The following GSE1 variants were observed in gnomAD, a reference collection of about 807,000 sequenced individuals.
GSE1 encodes the protein Gse1 coiled-coil protein.
GSE1 carries 32 observed loss-of-function variants against 112.6 expected under a neutral mutation model. The observed-to-expected ratio is 0.28, with a 90% confidence interval of 0.21 to 0.38. The LOEUF is 0.38. Ranked by LOEUF, GSE1 falls within the 10% of genes least tolerant of loss-of-function variation. GSE1 has a pLI of 1.00. For synonymous variants in GSE1, 1,115 were observed against 735.6 expected, an observed-to-expected ratio of 1.52 and a Z score of -8.35; for missense variants, 2,348 against 1,699.2, an observed-to-expected ratio of 1.38 and a Z score of -6.71.
At chr16:85,317,177 C>A (rs1010417585) in intron 1 of GSE1, among the ~76,000 whole-genome samples, 1 of 152,200 alleles carries the variant, frequency 6.6e-6, no homozygotes, top group African/African-American at 2.4e-5. Flanking sequence ...CAAGACGGGG[C>A]CTTTGTCTGG....
At chr16:85,577,830 C>T (rs60733173) in intron 1 of GSE1, among the ~76,000 whole-genome samples, 19,362 of 152,128 alleles carry the variant, frequency 0.13, 2,991 homozygotes, top group African/African-American at 0.36. Flanking sequence ...CCCTTTTCCA[C>T]TCCAGTCCTC....
chr16:85,444,037 T>A (rs2151787565), intron 2 of GSE1, among the ~76,000 whole-genome samples: 1 of 120,926 alleles, frequency 8.3e-6, no homozygotes, highest in South Asian at 2.9e-4. Context: ...CAGGCTGGAG[T>A]ACAGTGGCGT....
In GSE1 at chr16:85,663,564, A is replaced by T. The variant is rs754857182; in HGVS notation, c.2594A>T (p.Lys865Met). 3.7e-6 allele frequency: 6 copies of T among 1,613,874 alleles called. No individual in the cohort carries two copies. Among genetic ancestry groups the T allele is most frequent in the Non-Finnish European group, 5.1e-6 (6 of 1,180,024 alleles). ...NNSPNFEEKKKFLTIFNLTHI... is the reference protein window; with the variant it reads ...NNSPNFEEKKMFLTIFNLTHI... ...AGTCCCAACTTCGAAGAAAAGAAGA[A>T]GTTCCTGACCATCTTCAACCTGACC... Residue 865 changes from lysine to methionine, a missense_variant, in exon 11 of 16, where the codon AAG becomes ATG. Transcript: ENST00000253458.
chr16:85,642,629 C>T (rs1278473308), intron 2 of GSE1, among the ~76,000 whole-genome samples: 2 of 152,254 alleles, frequency 1.3e-5, no homozygotes, highest in East Asian at 3.8e-4. Context: ...AAGCTCTGGG[C>T]AGCCCCCGGC....
intron 2 of GSE1, among the ~76,000 whole-genome samples, chr16:85,523,516 G>A (rs1402996627): frequency 6.6e-6 from 1 of 152,228 alleles, no homozygotes; most frequent in Non-Finnish European, 1.5e-5. Context: ...AGGGACTGTG[G>A]AAGGAGCCAG....
intron 13 of GSE1, 80 bp downstream of exon 13, chr16:85,666,427 G>T (rs2151988828): frequency 1.4e-6 from 2 of 1,389,222 alleles, no homozygotes; most frequent in Non-Finnish European, 2.0e-6. Context: ...CAGCTGCTCA[G>T]CCGTTCAGCC....
chr16:85,541,740 A>G (rs1384335864), intron 2 of GSE1, among the ~76,000 whole-genome samples: 2 of 152,144 alleles, frequency 1.3e-5, no homozygotes, highest in Non-Finnish European at 2.9e-5. Context: ...TGAGCAGTAC[A>G]GGGGGAAGGG....
At chr16:85,582,386 A>C (rs543528377) in intron 1 of GSE1, among the ~76,000 whole-genome samples, 35 of 152,312 alleles carry the variant, frequency 2.3e-4, no homozygotes, top group Admixed American at 1.1e-3. Context: ...GGAAGCCCCC[A>C]CGTGCTGGGT....
intron 2 of GSE1, among the ~76,000 whole-genome samples, chr16:85,485,450 C>G (rs2050802906): frequency 6.6e-6 from 1 of 152,232 alleles, no homozygotes; most frequent in Non-Finnish European, 1.5e-5. Context: ...TTTCATGTTC[C>G]TGGGCGGCAA....
chr16:85,544,119 G>A (rs2044617252), intron 2 of GSE1, among the ~76,000 whole-genome samples: 1 of 152,182 alleles, frequency 6.6e-6, no homozygotes, highest in Non-Finnish European at 1.5e-5. Flanking sequence ...ACAGGCGTGA[G>A]CCACTGCGCC....
intron 2 of GSE1, among the ~76,000 whole-genome samples, chr16:85,443,425 A>T (rs1225339450): frequency 6.6e-6 from 1 of 152,226 alleles, no homozygotes; most frequent in Non-Finnish European, 1.5e-5. Flanking sequence ...TCCACCTGTA[A>T]AACAGAGCTA....
intron 1 of GSE1, among the ~76,000 whole-genome samples, chr16:85,333,410 G>C (rs1251548534): frequency 2.6e-5 from 4 of 152,102 alleles, no homozygotes; most frequent in Non-Finnish European, 4.4e-5. Context: ...TTCCCTTCCA[G>C]CCTCCCACCC....
intron 2 of GSE1, among the ~76,000 whole-genome samples, chr16:85,514,342 TG>T (rs1167189285): frequency 2.7e-5 from 4 of 149,556 alleles, no homozygotes; most frequent in Non-Finnish European, 5.9e-5. Flanking sequence ...CACTGCTGCC[TG>T]CATTTCCTCC....
chr16:85,389,630 A>G (rs938047750), intron 2 of GSE1, among the ~76,000 whole-genome samples: 1 of 152,020 alleles, frequency 6.6e-6, no homozygotes, highest in African/African-American at 2.4e-5. Flanking sequence ...ACCATTTGTC[A>G]CTGTCCTAGA....
In GSE1 at chr16:85,675,317, G is replaced by C. The variant is rs536194210; in HGVS notation, c.*2778G>C. 6.6e-6 allele frequency: 1 copy of C among 152,266 alleles called. No individual in the cohort carries two copies. Among genetic ancestry groups the C allele is most frequent in the East Asian group, 1.9e-4 (1 of 5,184 alleles). The allele number at this position is 152,266 out of a possible 1,614,324, so 9.4% of individuals were successfully genotyped here. A position where few individuals can be genotyped will look rare whatever the true frequency, so the allele number is the denominator to read the frequency against. Reference sequence around the variant, plus strand: ...GAGCTGCCATCTGTCCCTCTGCAGAGGGATACCTTCCAATAGTAAATTATC... The same window carrying C: ...GAGCTGCCATCTGTCCCTCTGCAGACGGATACCTTCCAATAGTAAATTATC... On this transcript the variant is annotated 3_prime_UTR_variant, in exon 16 of 16. Coordinates refer to ENST00000253458, the MANE Select transcript of GSE1 (RefSeq NM_014615.5).
chr16:85,218,089 A>T (rs1458695178), intron 1 of GSE1, among the ~76,000 whole-genome samples: 1 of 151,918 alleles, frequency 6.6e-6, no homozygotes, highest in Non-Finnish European at 1.5e-5. Flanking sequence ...TTTAGTAGAG[A>T]TGGGGTTTCA....
At chr16:85,625,725 CGTG>C (rs1264973610) in intron 1 of GSE1, among the ~76,000 whole-genome samples, 1 of 152,144 alleles carries the variant, frequency 6.6e-6, no homozygotes, top group Non-Finnish European at 1.5e-5. Context: ...TCAAGGGTGT[CGTG>C]GGGCTCGGGC....
rs370172173 is a variant in GSE1 at position 85,346,817 on chromosome 16, G to GTGGA, written c.2284-10627_2284-10624dup. 6.7e-5 allele frequency among the ~76,000 whole-genome samples: 10 copies of GTGGA among 150,164 alleles called. No individual in the cohort carries two copies. In the South Asian group the frequency reaches 1.5e-3, roughly 22 times the overall value. ...CAGGTAGATGGATGAGTGGTAGATG[G>GTGGA]TGGATGGATGGATGGATGGATGATG... On this transcript the variant is annotated intron_variant, in intron 1 of 2. Coordinates refer to the GSE1 transcript ENST00000637419.
chr16:85,344,424 C>T (rs754545917), intron 1 of GSE1, among the ~76,000 whole-genome samples: 10 of 152,238 alleles, frequency 6.6e-5, no homozygotes, highest in Non-Finnish European at 7.3e-5. Flanking sequence ...GCTCCCAGGA[C>T]GACAGCAGCC....
Sources: gnomAD v4.1 joint callset for allele counts (sites outside exome capture counted in the v4.1 genomes callset) on GRCh38, gnomAD v4.1.1 for gene constraint, MANE v1.5 for transcripts, NCBI Gene and HGNC (gene_info 2026-07-23, HGNC 2026-07-21) for gene names.